The following WDR26 variants were observed in gnomAD, a reference collection of about 807,000 sequenced individuals.
The protein encoded by WDR26 is WD repeat-containing protein 26.
A neutral mutation model predicts 84.1 loss-of-function variants in WDR26; 5 were observed. That is an observed-to-expected ratio of 0.06 (90% confidence interval 0.03 to 0.13). WDR26 has a LOEUF of 0.13. Among genes scored for constraint, WDR26 ranks in the 10% least tolerant of loss-of-function variants. The probability of loss-of-function intolerance (pLI) is 1.00; values close to 1 mark genes in which losing one functional copy is unlikely to be tolerated. For synonymous variants in WDR26, 415 were observed against 389.6 expected, an observed-to-expected ratio of 1.07 and a Z score of -0.77; for missense variants, 642 against 974.9, an observed-to-expected ratio of 0.66 and a Z score of 4.55.
At chr1:224,425,803 T>G (rs1350085040) in intron 3 of WDR26, among the ~76,000 whole-genome samples, 2 of 152,100 alleles carry the variant, frequency 1.3e-5, no homozygotes, top group African/African-American at 4.8e-5. Flanking sequence ...GCGGTAAAGA[T>G]CTCAAGTCCA....
rs1237160600 is a variant in WDR26 at position 224,385,992 on chromosome 1, A to T, written c.*3843T>A. The T allele has an allele frequency of 1.3e-5, 2 of 152,258 alleles. No homozygotes were observed. The highest frequency in any genetic ancestry group is 4.8e-5 in the African/African-American group (2 of 41,450). The allele number at this position is 152,258 out of a possible 1,614,324, so 9.4% of individuals were successfully genotyped here. On this transcript the variant is annotated 3_prime_UTR_variant, in exon 14 of 14. Transcript: ENST00000414423. ...TCACACACACACAGAACACACACAC[A>T]CATTTTTATACTATTGGTTTTGTTA...
At position 224,401,068 on chromosome 1, in the gene WDR26, G is replaced by A. The variant is rs376840056; in HGVS notation, c.1601C>T (p.Thr534Ile). Residue 534 changes from threonine to isoleucine, a missense_variant and splice_region_variant, in exon 9 of 14, where the codon ACA (threonine) becomes ATA (isoleucine). Around this residue, in one of 2 missense-constraint regions of WDR26, gnomAD observed 351 missense variants for 672.8 expected, o/e 0.52. Coordinates refer to ENST00000414423, the MANE Select transcript of WDR26 (RefSeq NM_001379403.1). ...GCTCATTTTTGTCCTTAGTTCTCCT[G>A]TCTATAAGGAAATAAAACTGTAAAT... 3 of 1,612,512 alleles carry A rather than the reference G, an allele frequency of 1.9e-6. No homozygotes were observed. Among genetic ancestry groups the A allele is most frequent in the African/African-American group, 2.7e-5 (2 of 74,708 alleles).
chr1:224,407,154 ATAT>A (rs1558426174), intron 7 of WDR26, among the ~76,000 whole-genome samples: 17 of 91,804 alleles, frequency 1.9e-4, no homozygotes, highest in East Asian at 6.8e-4. Flanking sequence ...AAAAAAAAAT[ATAT>A]ATATATATAT....
chr1:224,422,454 G>A (rs1572205615), intron 4 of WDR26, among the ~76,000 whole-genome samples: 1 of 152,286 alleles, frequency 6.6e-6, no homozygotes, highest in South Asian at 2.1e-4. Context: ...AGTGGCTCAC[G>A]CCTATAATCC....
At chr1:224,402,326 G>A (rs1673441683) in intron 8 of WDR26, among the ~76,000 whole-genome samples, 2 of 152,164 alleles carry the variant, frequency 1.3e-5, no homozygotes, top group Admixed American at 1.3e-4. Flanking sequence ...ACAGTTGAAA[G>A]TTTAGAGCAC....
At chr1:224,413,571 T>C (rs932096409) in intron 6 of WDR26, among the ~76,000 whole-genome samples, 1 of 152,164 alleles carries the variant, frequency 6.6e-6, no homozygotes, top group African/African-American at 2.4e-5. Flanking sequence ...ACATATAATA[T>C]TGCTCATGGA....
intron 6 of WDR26, among the ~76,000 whole-genome samples, chr1:224,416,113 G>A (rs974054652): frequency 6.6e-6 from 1 of 152,172 alleles, no homozygotes; most frequent in African/African-American, 2.4e-5. Context: ...AGGTAAGTAG[G>A]AGCATAGAGT....
intron 8 of WDR26, among the ~76,000 whole-genome samples, chr1:224,401,671 C>CAAAAAAAAAAAAAAAAAGAAAAAAA (rs1673417301): frequency 2.0e-5 from 1 of 49,636 alleles, no homozygotes. Context: ...GAGACTGTCT[C>CAAAAAAAAAAAAAAAAAGAAAAAAA]AAAAAAAAAA....
Position 224,433,805 on chromosome 1 carries a change from C to A in WDR26, c.601G>T (p.Ala201Ser), listed in dbSNP as rs1230273106. Residue 201 changes from alanine (A) to serine (S), a missense_variant, in exon 1 of 14, where the codon GCC becomes TCC. Ala to Ser is a moderately conservative substitution (Grantham distance 99). Transcript: ENST00000414423. ...TCTGGGGTGGCCAAGGAAGAGGAGG[C>A]GGCGGTGGTGGCGGAGGCAGCTGCG... The A allele has an allele frequency of 1.3e-6, 2 of 1,536,826 alleles. No homozygotes were observed. The highest frequency in any genetic ancestry group is 3.9e-5 in the Admixed American group (2 of 50,966).
chr1:224,419,284 C>T (rs1312039919), intron 5 of WDR26, among the ~76,000 whole-genome samples: 2 of 152,154 alleles, frequency 1.3e-5, no homozygotes, highest in African/African-American at 4.8e-5. Context: ...TAAGGGGGAA[C>T]ATCATCACAT....
intron 13 of WDR26, among the ~76,000 whole-genome samples, chr1:224,391,286 C>T (rs796638788): frequency 6.7e-6 from 1 of 149,148 alleles, no homozygotes; most frequent in African/African-American, 2.5e-5. Context: ...TTGCTTGAAC[C>T]CAGGAGGCGG....
intron 4 of WDR26, among the ~76,000 whole-genome samples, chr1:224,420,979 T>A (rs1674045201): frequency 1.3e-5 from 2 of 152,214 alleles, no homozygotes; most frequent in African/African-American, 2.4e-5. Flanking sequence ...TATTTTAAAA[T>A]GTTCATTTTT....
chr1:224,418,188 G>A (rs1673961382), intron 6 of WDR26, 72 bp downstream of exon 6: 2 of 1,325,356 alleles, frequency 1.5e-6, no homozygotes, highest in Middle Eastern at 2.7e-4. Flanking sequence ...TACAGGATAA[G>A]ACTCTAAAAA....
intron 3 of WDR26, among the ~76,000 whole-genome samples, chr1:224,427,856 A>T (rs1056828698): frequency 6.6e-6 from 1 of 152,258 alleles, no homozygotes; most frequent in African/African-American, 2.4e-5. Context: ...AATGTTAAAT[A>T]TTTACTGAAA....
intron 10 of WDR26, 87 bp from the exon 11 acceptor site, chr1:224,398,680 T>C (rs1223284108): frequency 7.5e-7 from 1 of 1,330,952 alleles, no homozygotes; most frequent in African/African-American, 1.5e-5. Flanking sequence ...CTAGCTTAAG[T>C]ATGACAATTT....
chr1:224,407,947 C>CT lies in WDR26; in HGVS notation c.1459-3378dup, dbSNP rs1673628736. On this transcript the variant is annotated intron_variant, in intron 7 of 13. Transcript: ENST00000414423. ...TAAAAATTACAGTCTCTAAAAGTCT[C>CT]TCTGTTTCATATTGGAATGTAAGCA... Among the ~76,000 whole-genome samples the CT allele has an allele frequency of 1.3e-5, 2 of 151,926 alleles. 1 individual carries two copies. The highest frequency in any genetic ancestry group is 1.3e-4 in the Admixed American group (2 of 14,994).
intron 12 of WDR26, among the ~76,000 whole-genome samples, chr1:224,396,882 T>C (rs1673279114): frequency 8.7e-6 from 1 of 114,668 alleles, no homozygotes; most frequent in Non-Finnish European, 1.8e-5. Context: ...ATCGTGCCAT[T>C]GCACTCAAAA....
chr1:224,410,895 T>C (rs1334253300), intron 7 of WDR26, among the ~76,000 whole-genome samples: 2 of 152,090 alleles, frequency 1.3e-5, no homozygotes, highest in Admixed American at 1.3e-4. Flanking sequence ...CTCCTCTATG[T>C]TGTCCAGGCT....
At chr1:224,403,047 T>C (rs1673458996) in intron 8 of WDR26, among the ~76,000 whole-genome samples, 1 of 152,156 alleles carries the variant, frequency 6.6e-6, no homozygotes, top group African/African-American at 2.4e-5. Flanking sequence ...ATGTAATATA[T>C]ATGTAAGTAC....
Sources: allele counts gnomAD v4.1 joint callset (sites outside exome capture counted in the v4.1 genomes callset), GRCh38; gene constraint gnomAD v4.1.1; regional missense constraint gnomAD v4.1.1; transcripts MANE v1.5; gene names NCBI Gene and HGNC (gene_info 2026-07-23, HGNC 2026-07-21).